The following DST variants were observed in gnomAD, a reference collection of about 807,000 sequenced individuals.
DST encodes the protein dystonin.
DST carries 253 observed loss-of-function variants against 875.2 expected under a neutral mutation model. The observed-to-expected ratio is 0.29, with a 90% confidence interval of 0.26 to 0.32. The LOEUF (loss-of-function observed/expected upper bound fraction) is 0.32, where lower values mean the gene tolerates loss of function less well. DST is among the 10% of genes least tolerant of loss of function. DST has a pLI of 1.00. For missense variants in DST, 8,287 were observed against 9,111.6 expected (o/e 0.91, Z 3.68); for synonymous variants, 3,124 against 3,197.1 (o/e 0.98, Z 0.77).
intron 77 of DST, among the ~76,000 whole-genome samples, chr6:56,505,877 C>T (rs1044211076): frequency 1.3e-5 from 2 of 151,690 alleles, no homozygotes; most frequent in African/African-American, 4.8e-5. Flanking sequence ...TGAATGAAAA[C>T]CCTTAAGTGA....
intron 4 of DST, among the ~76,000 whole-genome samples, chr6:56,813,228 C>T (rs1198859138): frequency 2.0e-5 from 2 of 98,798 alleles, no homozygotes; most frequent in Admixed American, 1.6e-4. Flanking sequence ...ACTCTGGGGA[C>T]TGTTGTGGGG....
At chr6:56,658,842 A>G (rs1333840431) in intron 10 of DST, among the ~76,000 whole-genome samples, 1 of 152,200 alleles carries the variant, frequency 6.6e-6, no homozygotes, top group Admixed American at 6.5e-5. Flanking sequence ...CTGGTGGAAG[A>G]GCACTCAGGT....
chr6:56,601,729 T>G, intron 43 of DST, 53 bp from the exon 44 acceptor site: 1 of 1,024,060 alleles, frequency 9.8e-7, no homozygotes, highest in South Asian at 1.7e-5. Context: ...ATGATAAAAT[T>G]TATATTAACA....
At chr6:56,592,145 G>T in intron 49 of DST, 37 bp downstream of exon 49, 1 of 1,579,004 alleles carries the variant, frequency 6.3e-7, no homozygotes, top group Non-Finnish European at 8.7e-7. Context: ...CTTTCAGTAA[G>T]ACTACTGGAA....
intron 3 of DST, among the ~76,000 whole-genome samples, chr6:56,895,086 A>C (rs1790496405): frequency 1.0e-5 from 1 of 95,554 alleles, no homozygotes. Context: ...GGGGCTCCTC[A>C]CTTCCCAGTA....
In DST at chr6:56,557,409, C is replaced by T. The variant is rs1265459215; in HGVS notation, c.14550G>A (p.Gln4850=). The change falls in exon 59 of 104, where the codon CAG becomes CAA. Residue 4850 remains glutamine (Q), a synonymous_variant. Transcript: ENST00000680361. The part of the protein sequence containing the change: ...QFQTVEAQLK[Q]WLVEKELMVS... ...CCATAAGTTCTTTTTCCACAAGCCA[C>T]TGTTTCAATTGGGCCTCTACAGTCT... is the stretch of plus-strand genomic sequence containing the variant. The T allele has an allele frequency of 1.9e-6, 3 of 1,613,618 alleles. No individual in the cohort carries two copies. Among genetic ancestry groups the T allele is most frequent in the African/African-American group, 1.3e-5 (1 of 74,892 alleles).
chr6:56,939,565 A>G (rs1815196252), intron 2 of DST, among the ~76,000 whole-genome samples: 1 of 152,130 alleles, frequency 6.6e-6, no homozygotes, highest in South Asian at 2.1e-4. Context: ...AAAATTACTT[A>G]CATAAAGATT....
intron 5 of DST, among the ~76,000 whole-genome samples, chr6:56,726,650 A>C (rs2152920230): frequency 6.6e-6 from 1 of 152,270 alleles, no homozygotes; most frequent in Middle Eastern, 3.4e-3. Context: ...CCTATAATTA[A>C]ATAGACCTTT....
At chr6:56,620,587 T>A in intron 36 of DST, 1 of 1,614,084 alleles carries the variant, frequency 6.2e-7, no homozygotes, top group Non-Finnish European at 8.5e-7. Flanking sequence ...GTTTCTTTAG[T>A]TCAGCTACCA....
intron 30 of DST, 29 bp from the exon 31 acceptor site, chr6:56,630,412 C>T (rs759148310): frequency 5.6e-6 from 9 of 1,600,746 alleles, no homozygotes; most frequent in South Asian, 1.1e-5. Flanking sequence ...CAATAGCCAC[C>T]TATGGTTAAA....
intron 16 of DST, 87 bp from the exon 17 acceptor site, chr6:56,642,188 G>T: frequency 8.7e-7 from 1 of 1,148,732 alleles, no homozygotes; most frequent in Non-Finnish European, 1.3e-6. Context: ...TGGAACAGAA[G>T]CCTACTTGGG....
At chr6:56,658,457 G>C (rs548464827) in intron 10 of DST, among the ~76,000 whole-genome samples, 62 of 152,180 alleles carry the variant, frequency 4.1e-4, no homozygotes, top group African/African-American at 1.3e-3. Context: ...AGTATGGGAG[G>C]GGGGACATTA....
At chr6:56,620,790 A>G in intron 36 of DST, 1 of 1,385,766 alleles carries the variant, frequency 7.2e-7, no homozygotes, top group East Asian at 2.3e-5. Flanking sequence ...AATGTTCATA[A>G]AAGTACTTAC....
At position 56,560,518 on chromosome 6, in the gene DST, AG is replaced by A. The variant is rs1584935813; in HGVS notation, c.14311-96del. The A allele has an allele frequency of 3.0e-6, 4 of 1,340,380 alleles. No individual in the cohort carries two copies. In the East Asian group the frequency reaches 1.0e-4, roughly 34 times the overall value. 83.0% of individuals were successfully genotyped at this position (1,340,380 alleles called of 1,614,324 possible). A position where few individuals can be genotyped will look rare whatever the true frequency, so the allele number is the denominator to read the frequency against. ...TATTTTTCTCTAGAATAATGAAAAG[AG>A]GAAAAAATCTACTGTTAAATGTTGT... is the stretch of plus-strand genomic sequence containing the variant. On this transcript the variant is annotated intron_variant, in intron 57 of 103. Coordinates refer to ENST00000680361, the MANE Select transcript of DST (RefSeq NM_001374736.1).
intron 90 of DST, among the ~76,000 whole-genome samples, chr6:56,479,990 G>A (rs1333751886): frequency 1.3e-5 from 2 of 152,260 alleles, no homozygotes; most frequent in East Asian, 3.9e-4. Flanking sequence ...TAACCTCTGT[G>A]AAGCAGCTCT....
Position 56,606,022 on chromosome 6 carries a change from A to G in DST, c.8606T>C (p.Leu2869Ser), listed in dbSNP as rs760712636. ...LLDKMHSCSS[L>S]EKQQRVNVVQ... Reference sequence around the variant, plus strand: ...AACATTTACCCTTTGCTGTTTTTCTAAAGAGCTACAACTGTGCATTTTATC... The same window carrying G: ...AACATTTACCCTTTGCTGTTTTTCTGAAGAGCTACAACTGTGCATTTTATC... The change falls in exon 40 of 104, where the codon TTA becomes TCA. Residue 2869 changes from leucine (L) to serine (S), a missense_variant. Physicochemically the swap from Leu to Ser is moderately radical, Grantham distance 145 (BLOSUM62 -2). Transcript: ENST00000680361. 1.2e-6 allele frequency: 2 copies of G among 1,612,750 alleles called. No individual in the cohort carries two copies. Among genetic ancestry groups the G allele is most frequent in the Non-Finnish European group, 8.5e-7 (1 of 1,179,160 alleles).
Position 56,779,791 on chromosome 6 carries a change from T to G in DST, c.626-44502A>C, listed in dbSNP as rs561951550. On this transcript the variant is annotated intron_variant, in intron 4 of 103. Transcript: ENST00000680361. ...GCACAATATGCAGGTTAGTTACATATGTATACATGTGCCATGCTGGTGTGC... is the reference window on the plus strand; with the variant it reads ...GCACAATATGCAGGTTAGTTACATAGGTATACATGTGCCATGCTGGTGTGC... 2.0e-5 allele frequency among the ~76,000 whole-genome samples: 3 copies of G among 151,154 alleles called. No homozygotes were observed. The South Asian group carries it at 6.3e-4, about 32-fold the overall frequency.
chr6:56,541,385 G>C (rs1030548677), intron 61 of DST: 3 of 152,622 alleles, frequency 2.0e-5, no homozygotes, highest in African/African-American at 7.2e-5. Context: ...AGTTCGATCT[G>C]TAAAATGCCT....
At chr6:56,836,646 C>A (rs897800855) in intron 4 of DST, among the ~76,000 whole-genome samples, 5 of 151,708 alleles carry the variant, frequency 3.3e-5, no homozygotes, top group East Asian at 1.9e-4. Context: ...GTCAGGAGAT[C>A]GAGACCATCC....
Sources: gnomAD v4.1 joint callset for allele counts (sites outside exome capture counted in the v4.1 genomes callset) on GRCh38, gnomAD v4.1.1 for gene constraint, MANE v1.5 for transcripts, NCBI Gene and HGNC (gene_info 2026-07-23, HGNC 2026-07-21) for gene names.